The following GRID2 variants were observed in gnomAD, a reference collection of about 807,000 sequenced individuals.
GRID2 encodes glutamate receptor ionotropic, delta-2.
Under a neutral mutation model 114.8 loss-of-function variants are expected in GRID2, and 33 were observed. The ratio of observed to expected loss-of-function variants is 0.29; its 90% CI spans 0.22 to 0.38. GRID2 has a LOEUF of 0.38. Among genes scored for constraint, GRID2 ranks in the 10% least tolerant of loss-of-function variants. The pLI is 1.00. For synonymous variants in GRID2, 505 were observed against 449.9 expected (o/e 1.12, Z -1.55); for missense variants, 1,184 against 1,257.7 (o/e 0.94, Z 0.89).
chr4:93,457,845 A>T (rs913751942), intron 11 of GRID2, among the ~76,000 whole-genome samples: 3 of 152,230 alleles, frequency 2.0e-5, no homozygotes, highest in African/African-American at 7.2e-5. Flanking sequence ...AGGAGAGATG[A>T]TACATTCATT....
chr4:92,745,401 C>T (rs902903911), intron 2 of GRID2, among the ~76,000 whole-genome samples: 6 of 152,216 alleles, frequency 3.9e-5, no homozygotes, highest in Admixed American at 3.3e-4. Flanking sequence ...TTTTCATTCT[C>T]TCTTCTTTGC....
At chr4:92,538,425 AT>A (rs1236145188) in intron 1 of GRID2, among the ~76,000 whole-genome samples, 5 of 152,184 alleles carry the variant, frequency 3.3e-5, no homozygotes, top group African/African-American at 1.2e-4. Context: ...TAAATGACTA[AT>A]GTGCTCAGTG....
At chr4:92,907,635 C>T (rs1748056416) in intron 2 of GRID2, among the ~76,000 whole-genome samples, 1 of 151,948 alleles carries the variant, frequency 6.6e-6, no homozygotes, top group African/African-American at 2.4e-5. Flanking sequence ...GTCTTGAACT[C>T]CTGACCTCAG....
chr4:93,731,778 C>T (rs962849993), intron 14 of GRID2, among the ~76,000 whole-genome samples: 3 of 152,154 alleles, frequency 2.0e-5, no homozygotes, highest in Admixed American at 1.3e-4. Flanking sequence ...AGACTAGACA[C>T]TTTCCACCAC....
rs570606332 is a variant in GRID2, at chr4:92,766,568, A to G, written c.244+176282A>G. On this transcript the variant is annotated intron_variant, in intron 2 of 15. Transcript: ENST00000282020. ...AAAAAAAAAAAAAAAGGACACTTTCACTAAGGAATGGTAATGTATGAATGA... is the reference window on the plus strand; with the variant it reads ...AAAAAAAAAAAAAAAGGACACTTTCGCTAAGGAATGGTAATGTATGAATGA... Among the ~76,000 whole-genome samples the G allele has an allele frequency of 4.0e-5, 6 of 151,220 alleles. No homozygotes were observed. The East Asian group carries it at 1.2e-3, about 29-fold the overall frequency.
intron 1 of GRID2, among the ~76,000 whole-genome samples, chr4:92,568,941 T>A (rs542789953): frequency 2.0e-5 from 3 of 152,048 alleles, no homozygotes; most frequent in African/African-American, 7.2e-5. Flanking sequence ...CCATGATGTA[T>A]ATGTACCACA....
chr4:93,515,815 T>C (rs1729665053), intron 13 of GRID2, among the ~76,000 whole-genome samples: 1 of 152,192 alleles, frequency 6.6e-6, no homozygotes, highest in African/African-American at 2.4e-5. Context: ...TCATCTTTAG[T>C]TGTGATTATG....
At chr4:92,980,234 G>C (rs1754108680) in intron 2 of GRID2, among the ~76,000 whole-genome samples, 1 of 151,928 alleles carries the variant, frequency 6.6e-6, no homozygotes, top group South Asian at 2.1e-4. Flanking sequence ...TGGGAGAGTA[G>C]AGTTCCTTTT....
intron 2 of GRID2, among the ~76,000 whole-genome samples, chr4:92,606,002 A>C (rs976339682): frequency 1.4e-5 from 2 of 139,490 alleles, no homozygotes; most frequent in Non-Finnish European, 3.2e-5. Context: ...ATGGAAACAT[A>C]AGAGCTTTTC....
intron 4 of GRID2, among the ~76,000 whole-genome samples, chr4:93,201,264 A>G (rs1222315303): frequency 6.6e-6 from 1 of 152,204 alleles, no homozygotes; most frequent in East Asian, 1.9e-4. Flanking sequence ...TGCTTAGCCC[A>G]ATATTTCTAA....
At chr4:93,507,904 C>T (rs1458178198) in intron 12 of GRID2, among the ~76,000 whole-genome samples, 1 of 151,880 alleles carries the variant, frequency 6.6e-6, no homozygotes, top group Non-Finnish European at 1.5e-5. Context: ...TGAAGCTTGC[C>T]CAGCTGATTG....
intron 4 of GRID2, among the ~76,000 whole-genome samples, chr4:93,174,404 T>C (rs775011004): frequency 1.3e-5 from 2 of 152,174 alleles, no homozygotes; most frequent in Non-Finnish European, 2.9e-5. Context: ...TTTCACTCAG[T>C]GGAATTCTCT....
chr4:92,637,670 A>C (rs1408139410), intron 2 of GRID2, among the ~76,000 whole-genome samples: 1 of 152,056 alleles, frequency 6.6e-6, no homozygotes, highest in East Asian at 1.9e-4. Flanking sequence ...ACTCCTATAC[A>C]TCTTTAAAAC....
At chr4:93,178,807 G>GC (rs1268938833) in intron 4 of GRID2, among the ~76,000 whole-genome samples, 13 of 152,004 alleles carry the variant, frequency 8.6e-5, no homozygotes, top group Non-Finnish European at 2.9e-5. Context: ...TTCTTAACTG[G>GC]TAAACACTAC....
chr4:92,618,527 T>G (rs2149236131), intron 2 of GRID2, among the ~76,000 whole-genome samples: 1 of 151,952 alleles, frequency 6.6e-6, no homozygotes, highest in African/African-American at 2.4e-5. Context: ...TTAGAGATTT[T>G]TTTCCAATTC....
intron 2 of GRID2, among the ~76,000 whole-genome samples, chr4:92,765,404 A>G (rs1366518886): frequency 1.3e-5 from 2 of 152,100 alleles, no homozygotes; most frequent in African/African-American, 4.8e-5. Context: ...CACATATTTT[A>G]TGGGTAAGGA....
chr4:92,516,490 CA>C lies in GRID2; in HGVS notation c.89-73640del, dbSNP rs530256950. 4.6e-5 allele frequency among the ~76,000 whole-genome samples: 7 copies of C among 151,968 alleles called. No homozygotes were observed. The East Asian group carries it at 1.4e-3, about 30-fold the overall frequency. On this transcript the variant is annotated intron_variant, in intron 1 of 15. Transcript: ENST00000282020. ...CAACCCTATCGTTTCAAATTACAAT[CA>C]GTTCACAAAATCATTTTAATGATAT...
At position 93,797,372 on chromosome 4, in the gene GRID2, G is replaced by A. The variant is rs140817591; in HGVS notation, c.222-9343G>A. ...AGTTCCTGCAGTACAGAGAACCTGCGATGTGCTTGAGCTTCTAACTGTAAG... is the reference window on the plus strand; with the variant it reads ...AGTTCCTGCAGTACAGAGAACCTGCAATGTGCTTGAGCTTCTAACTGTAAG... On this transcript the variant is annotated intron_variant, in intron 1 of 1. Coordinates refer to the GRID2 transcript ENST00000637838. Among the ~76,000 whole-genome samples, 807 of 152,184 alleles carry A rather than the reference G, an allele frequency of 5.3e-3. 4 individuals are homozygous for A. The highest frequency in any genetic ancestry group is 0.017 in the Middle Eastern group (5 of 294).
At chr4:93,792,857 G>A (rs1351838112) in intron 1 of GRID2, among the ~76,000 whole-genome samples, 1 of 152,144 alleles carries the variant, frequency 6.6e-6, no homozygotes, top group African/African-American at 2.4e-5. Context: ...GACGATTCAT[G>A]GTGGTTTGTG....
Sources: gnomAD v4.1 joint callset for allele counts (sites outside exome capture counted in the v4.1 genomes callset) on GRCh38, gnomAD v4.1.1 for gene constraint, MANE v1.5 for transcripts, NCBI Gene and HGNC (gene_info 2026-07-23, HGNC 2026-07-21) for gene names.